The following CAPG variants were observed in gnomAD, a reference collection of about 807,000 sequenced individuals.
CAPG encodes the protein capping actin protein, gelsolin like, also known as macrophage-capping protein.
In CAPG, 32 loss-of-function variants were observed where a neutral mutation model predicts 44.6. That is an observed-to-expected ratio of 0.72 (90% CI 0.54 to 0.96). CAPG has a LOEUF of 0.96. Ranked by LOEUF, CAPG falls within the 50% of genes least tolerant of loss-of-function variation. CAPG has a pLI of 0.00. For synonymous variants in CAPG, 175 were observed against 179.6 expected, an observed-to-expected ratio of 0.97 and a Z score of 0.20; for missense variants, 412 against 438.3, an observed-to-expected ratio of 0.94 and a Z score of 0.54.
chr2:85,398,920 G>C, intron 6 of CAPG, 138 bp from the exon 7 acceptor site: 1 of 824,110 alleles, frequency 1.2e-6, no homozygotes, highest in Non-Finnish European at 1.9e-6. Context: ...AGGTGAGTGA[G>C]GGCTGAGTCC....
upstream of CAPG, among the ~76,000 whole-genome samples, chr2:85,414,912 A>T (rs1157284647): frequency 3.3e-5 from 5 of 152,198 alleles, no homozygotes; most frequent in African/African-American, 1.2e-4. Context: ...TAGCCAACCC[A>T]TGAGAGATGT....
intron 1 of CAPG, among the ~76,000 whole-genome samples, chr2:85,408,279 T>C (rs767091093): frequency 3.3e-5 from 5 of 149,538 alleles, no homozygotes; most frequent in Non-Finnish European, 7.4e-5. Flanking sequence ...GAGGCAGAGG[T>C]TGCAGTGAGC....
Position 85,401,922 on chromosome 2 carries a change from C to T in CAPG, c.59G>A (p.Gly20Asp). 1 of 1,614,056 alleles carries T rather than the reference C, an allele frequency of 6.2e-7. No homozygotes were observed. Among genetic ancestry groups the T allele is most frequent in the Non-Finnish European group, 8.5e-7 (1 of 1,180,008 alleles). Residue 20 changes from glycine to aspartate, a missense_variant, in exon 3 of 10, where the codon GGC (glycine) becomes GAC (aspartate). Physicochemically the swap from Gly to Asp is moderately conservative, Grantham distance 94. Coordinates refer to ENST00000263867, the MANE Select transcript of CAPG (RefSeq NM_001747.4). ...CTTCTCCACCCGCCACACATGCAGG[C>T]CTGGATCCTGCACTGAGCCTGGGAA... ...SPFPGSVQDP[G>D]LHVWRVEKLK...
At chr2:85,407,104 T>C (rs1687199509) in intron 1 of CAPG, among the ~76,000 whole-genome samples, 1 of 151,966 alleles carries the variant, frequency 6.6e-6, no homozygotes, top group Admixed American at 6.6e-5. Flanking sequence ...TAATTTTTTG[T>C]ACTTTTAGTA....
At chr2:85,416,140 C>T (rs962216100) in intron 1 of CAPG, among the ~76,000 whole-genome samples, 1 of 152,250 alleles carries the variant, frequency 6.6e-6, no homozygotes, top group Admixed American at 6.5e-5. Context: ...GCACTGGACA[C>T]TGGCTTCTGG....
chr2:85,403,653 C>T (rs996623264), intron 1 of CAPG, among the ~76,000 whole-genome samples: 1 of 152,050 alleles, frequency 6.6e-6, no homozygotes, highest in South Asian at 2.1e-4. Context: ...CTTTGGGAGG[C>T]CAAGGTGGGT....
At chr2:85,399,423 C>A in intron 5 of CAPG, 138 bp from the exon 6 acceptor site, 1 of 826,012 alleles carries the variant, frequency 1.2e-6, no homozygotes, top group Non-Finnish European at 1.9e-6. Flanking sequence ...CAGAGCACAG[C>A]ACAGAGGGCT....
At chr2:85,405,930 T>C (rs72831561) in intron 1 of CAPG, among the ~76,000 whole-genome samples, 13,195 of 152,182 alleles carry the variant, frequency 0.087, 614 homozygotes, top group South Asian at 0.16. Context: ...AATTGTCACC[T>C]TTACTATTTT....
downstream of CAPG, among the ~76,000 whole-genome samples, chr2:85,392,380 A>C (rs1573167692): frequency 7.4e-6 from 1 of 134,504 alleles, no homozygotes; most frequent in Admixed American, 8.2e-5. Flanking sequence ...GCAGAGCGAG[A>C]CTCCGTCTCA....
rs753037997 is a variant in CAPG at position 85,399,262 on chromosome 2, T to G, written c.540A>C (p.Gly180=). 1.9e-6 allele frequency: 3 copies of G among 1,614,164 alleles called. No homozygotes were observed. Among genetic ancestry groups the G allele is most frequent in the Non-Finnish European group, 2.5e-6 (3 of 1,180,036 alleles). ...LGQNIFAWCG[G]KSNILERNKA... ...TGTTGCGTTCCAGGATGTTGGACTTTCCACCACACCAGGCGAAGATGTTCT... is the reference window on the plus strand; with the variant it reads ...TGTTGCGTTCCAGGATGTTGGACTTGCCACCACACCAGGCGAAGATGTTCT... The change falls in exon 6 of 10, where the codon GGA becomes GGC. Residue 180 remains glycine, a synonymous_variant. Coordinates refer to ENST00000263867, the MANE Select transcript of CAPG (RefSeq NM_001747.4).
chr2:85,399,992 C>T (rs1443835486), intron 5 of CAPG, among the ~76,000 whole-genome samples: 1 of 152,140 alleles, frequency 6.6e-6, no homozygotes, highest in South Asian at 2.1e-4. Flanking sequence ...CTGCCCACCT[C>T]GGCCTCCCAA....
intron 1 of CAPG, among the ~76,000 whole-genome samples, chr2:85,407,749 T>C (rs74398167): frequency 7.4e-6 from 1 of 135,442 alleles, no homozygotes; most frequent in Non-Finnish European, 1.6e-5. Context: ...TACAGAAAAA[T>C]AAGAAAGAAA....
At chr2:85,410,080 G>A (rs1687352376) in intron 1 of CAPG, among the ~76,000 whole-genome samples, 1 of 152,228 alleles carries the variant, frequency 6.6e-6, no homozygotes, top group South Asian at 2.1e-4. Flanking sequence ...ATCCTCCCGG[G>A]CAGCTTCACA....
intron 1 of CAPG, among the ~76,000 whole-genome samples, chr2:85,415,615 C>T (rs922234738): frequency 2.6e-5 from 4 of 152,284 alleles, no homozygotes; most frequent in African/African-American, 9.6e-5. Context: ...CTTGCAATCC[C>T]AGCACCCTGC....
downstream of CAPG, among the ~76,000 whole-genome samples, chr2:85,392,853 T>C (rs1686435406): frequency 1.3e-5 from 2 of 152,246 alleles, no homozygotes; most frequent in South Asian, 4.1e-4. Context: ...GGTTGGGTGA[T>C]TCTTCCCTCT....
Position 85,403,777 on chromosome 2 carries a change from C to T in CAPG, c.-13-1619G>A, listed in dbSNP as rs1027668049. 4.8e-4 allele frequency among the ~76,000 whole-genome samples: 73 copies of T among 150,838 alleles called. 1 individual carries two copies. Among genetic ancestry groups the T allele is most frequent in the African/African-American group, 1.3e-3 (54 of 40,986 alleles). ...TGGCACGTGCCTATAGTCCCAGCTA[C>T]TCAGGAGGCTGAGGCGGGAAAATTG... is the stretch of plus-strand genomic sequence containing the variant. On this transcript the variant is annotated intron_variant, in intron 1 of 9. Transcript: ENST00000263867.
intron 5 of CAPG, among the ~76,000 whole-genome samples, chr2:85,400,420 C>T (rs1288695560): frequency 6.6e-6 from 1 of 152,190 alleles, no homozygotes; most frequent in African/African-American, 2.4e-5. Flanking sequence ...GATCTCCCTG[C>T]CCCAAATCTT....
upstream of CAPG, among the ~76,000 whole-genome samples, chr2:85,414,826 C>G (rs933063118): frequency 6.6e-6 from 1 of 152,218 alleles, no homozygotes; most frequent in Non-Finnish European, 1.5e-5. Context: ...AGCATCTGCA[C>G]CAGGAGGCCA....
upstream of CAPG, among the ~76,000 whole-genome samples, chr2:85,414,437 T>C (rs1249071464): frequency 2.0e-5 from 3 of 151,726 alleles, no homozygotes; most frequent in African/African-American, 7.3e-5. Context: ...AAGATTTTTT[T>C]TTTTTTTTTT....
Sources: gnomAD v4.1 joint callset for allele counts (sites outside exome capture counted in the v4.1 genomes callset) on GRCh38, gnomAD v4.1.1 for gene constraint, MANE v1.5 for transcripts, NCBI Gene and HGNC (gene_info 2026-07-23, HGNC 2026-07-21) for gene names.